PHF8: variants seen among roughly 807,000 people sequenced by gnomAD.
The protein encoded by PHF8 is PHD finger protein 8, also known as histone lysine demethylase PHF8.
Under a neutral mutation model 74.4 loss-of-function variants are expected in PHF8, and 9 were observed. That is an observed-to-expected ratio of 0.12 (90% CI 0.07 to 0.21). The LOEUF is 0.21. Among genes scored for constraint, PHF8 ranks in the 10% least tolerant of loss-of-function variants. PHF8 has a pLI of 1.00. For synonymous variants in PHF8, 311 were observed against 316.6 expected, an observed-to-expected ratio of 0.98 and a Z score of 0.19; for missense variants, 478 against 816.6, an observed-to-expected ratio of 0.59 and a Z score of 5.05.
chrX:54,039,133 CAAAAA>C (rs61507959), intron 2 of PHF8, among the ~76,000 whole-genome samples: 1 of 42,616 alleles, frequency 2.3e-5, no homozygotes, highest in Non-Finnish European at 4.7e-5. Flanking sequence ...GACTCTGTCT[CAAAAA>C]AAAAAAAAAA....
At chrX:53,981,034 G>A (rs2065472041) in intron 18 of PHF8, among the ~76,000 whole-genome samples, 1 of 112,232 alleles carries the variant, frequency 8.9e-6, no homozygotes, top group Admixed American at 9.5e-5. Flanking sequence ...CCAACGTGGT[G>A]AAACCCTGTC....
chrX:54,040,364 T>C (rs187886838), intron 2 of PHF8, among the ~76,000 whole-genome samples: 2 of 112,006 alleles, frequency 1.8e-5, no homozygotes, highest in South Asian at 3.7e-4. Context: ...TCAGCATCTA[T>C]TACATGTTTA....
At chrX:54,044,898 C>T (rs3747473), upstream of PHF8, 24 of 1,151,171 alleles carry the variant, frequency 2.1e-5, no homozygotes, top group East Asian at 7.2e-4. Context: ...CATTGAGCAC[C>T]TTCGATAGGC....
At chrX:53,996,266 A>C (rs889394537) in intron 11 of PHF8, among the ~76,000 whole-genome samples, 3 of 109,925 alleles carry the variant, frequency 2.7e-5, no homozygotes, top group Non-Finnish European at 5.7e-5. Flanking sequence ...AGAGTGAGCC[A>C]CTACGCCCAG....
In PHF8 at chrX:53,944,191, G is replaced by A. The variant is rs1557084407; in HGVS notation, c.2592C>T (p.Thr864=). Residue 864 remains threonine (T), a synonymous_variant, in exon 20 of 22, where the codon ACC becomes ACT. Coordinates refer to ENST00000338154, the MANE Select transcript of PHF8 (RefSeq NM_015107.3). ...AACCTGTCTCAATAGAGGCTACCCG[G>A]GTCCCCTCACGCACAGGACGGTCCT... is the stretch of plus-strand genomic sequence containing the variant. ...PKQDRPVREG[T]RVASIETGLA... is the part of the protein sequence containing the mutation. 4 of 1,210,166 alleles carry A rather than the reference G, an allele frequency of 3.3e-6. No homozygotes were observed. The highest frequency in any genetic ancestry group is 2.2e-5 in the Admixed American group (1 of 46,060).
chrX:54,020,707 A>T (rs2066155797), intron 4 of PHF8, among the ~76,000 whole-genome samples: 1 of 111,822 alleles, frequency 8.9e-6, no homozygotes, highest in African/African-American at 3.2e-5. Flanking sequence ...AACAAATAAA[A>T]CAAGAAACAT....
intron 18 of PHF8, among the ~76,000 whole-genome samples, chrX:53,966,573 G>A (rs1440178059): frequency 2.7e-5 from 3 of 111,736 alleles, no homozygotes; most frequent in Admixed American, 9.5e-5. Context: ...GCGTGATCTC[G>A]GCTCGCTACA....
chrX:54,033,132 G>A (rs1238940387), intron 2 of PHF8, among the ~76,000 whole-genome samples: 1 of 111,060 alleles, frequency 9.0e-6, no homozygotes, highest in Non-Finnish European at 1.9e-5. Context: ...TCATGAAGTG[G>A]TACCCCCTTT....
chrX:53,988,986 G>C (rs1330059770), intron 14 of PHF8, among the ~76,000 whole-genome samples: 1 of 106,160 alleles, frequency 9.4e-6, no homozygotes, highest in Non-Finnish European at 1.9e-5. Context: ...TTTTGAGATG[G>C]AGTCTTGCTC....
intron 2 of PHF8, among the ~76,000 whole-genome samples, chrX:54,036,722 G>GGT (rs1313780174): frequency 1.8e-5 from 2 of 108,984 alleles, no homozygotes; most frequent in Non-Finnish European, 3.8e-5. Context: ...AGAAAGGCCG[G>GGT]GTGCTGTGGG....
intron 11 of PHF8, among the ~76,000 whole-genome samples, chrX:53,997,199 C>A (rs1738197264): frequency 1.8e-5 from 2 of 111,769 alleles, no homozygotes; most frequent in African/African-American, 6.5e-5. Context: ...TGAGCAGCTG[C>A]TGGCCCACAG....
chrX:53,970,762 A>C (rs2065279500), intron 18 of PHF8, among the ~76,000 whole-genome samples: 1 of 111,766 alleles, frequency 8.9e-6, no homozygotes, highest in Non-Finnish European at 1.9e-5. Flanking sequence ...GCATTACATA[A>C]TGATAAAGGG....
chrX:53,972,088 G>A (rs1484522899), intron 18 of PHF8, among the ~76,000 whole-genome samples: 1 of 110,670 alleles, frequency 9.0e-6, no homozygotes, highest in Non-Finnish European at 1.9e-5. Context: ...ACTTTGGGAG[G>A]CCGAGGCAGG....
intron 2 of PHF8, among the ~76,000 whole-genome samples, chrX:54,029,799 C>G (rs902989256): frequency 1.7e-3 from 194 of 112,018 alleles, no homozygotes; most frequent in African/African-American, 6.1e-3. Flanking sequence ...AGCCAAGACT[C>G]TTAAATCCCC....
intron 2 of PHF8, among the ~76,000 whole-genome samples, chrX:54,033,035 A>G (rs887371765): frequency 2.7e-5 from 3 of 111,298 alleles, no homozygotes; most frequent in Non-Finnish European, 5.7e-5. Context: ...CAGACCGACT[A>G]GAGACAGCAG....
chrX:53,938,565 G>A lies in PHF8; in HGVS notation c.*593C>T. ...CATTTCTAGGCCACTTCTGGAAATG[G>A]CCCACAGTGGGGCAGGAAGGAGGCT... On this transcript the variant is annotated 3_prime_UTR_variant, in exon 22 of 22. Coordinates refer to ENST00000338154, the MANE Select transcript of PHF8 (RefSeq NM_015107.3). 4 of 756,161 alleles carry A rather than the reference G, an allele frequency of 5.3e-6. No homozygotes were observed. The highest frequency in any genetic ancestry group is 6.2e-6 in the Non-Finnish European group (4 of 640,040). 62.3% of individuals were successfully genotyped at this position (756,161 alleles called of 1,213,427 possible). A position where few individuals can be genotyped will look rare whatever the true frequency, so the allele number is the denominator to read the frequency against.
intron 4 of PHF8, among the ~76,000 whole-genome samples, chrX:54,019,201 T>C (rs1383118031): frequency 9.0e-6 from 1 of 111,496 alleles, no homozygotes; most frequent in Non-Finnish European, 1.9e-5. Flanking sequence ...CTCACAACTG[T>C]AATCCCAGCA....
At chrX:53,994,354 G>A (rs1557102239) in intron 12 of PHF8, among the ~76,000 whole-genome samples, 1 of 112,400 alleles carries the variant, frequency 8.9e-6, no homozygotes, top group Non-Finnish European at 1.9e-5. Context: ...CTGGAAAGGT[G>A]ATTTTTGAAG....
chrX:53,960,649 T>C (rs2065089342), intron 19 of PHF8, among the ~76,000 whole-genome samples: 1 of 108,139 alleles, frequency 9.2e-6, no homozygotes, highest in South Asian at 4.3e-4. Flanking sequence ...CTTGGGAGGC[T>C]GAGGCAAGAG....
Sources: gnomAD v4.1 joint callset for allele counts (sites outside exome capture counted in the v4.1 genomes callset) on GRCh38, gnomAD v4.1.1 for gene constraint, MANE v1.5 for transcripts, NCBI Gene and HGNC (gene_info 2026-07-23, HGNC 2026-07-21) for gene names.